Variants in HSF2BP observed in about 807,000 individuals in gnomAD.
HSF2BP encodes heat shock transcription factor 2 binding protein.
HSF2BP carries 35 observed loss-of-function variants against 35.0 expected under a neutral mutation model. The ratio of observed to expected loss-of-function variants is 1.00; its 90% confidence interval spans 0.76 to 1.32. The LOEUF is 1.32. Among genes scored for constraint, HSF2BP ranks in the 40% most tolerant of loss-of-function variants. The pLI, the probability that HSF2BP is intolerant of heterozygous loss-of-function variation, is 0.00. For synonymous variants in HSF2BP, 114 were observed against 117.4 expected (o/e 0.97, Z 0.18); for missense variants, 326 against 321.7 (o/e 1.01, Z -0.10).
intron 6 of HSF2BP, among the ~76,000 whole-genome samples, chr21:43,624,951 G>A (rs2082371893): frequency 6.6e-6 from 1 of 152,076 alleles, no homozygotes; most frequent in South Asian, 2.1e-4. Context: ...AAAGTAATAA[G>A]AGCAGATGTT....
At chr21:43,611,396 A>T (rs1329447827) in intron 7 of HSF2BP, among the ~76,000 whole-genome samples, 1 of 152,224 alleles carries the variant, frequency 6.6e-6, no homozygotes, top group Non-Finnish European at 1.5e-5. Flanking sequence ...GCTTCCACTG[A>T]ATGCAGCTAT....
chr21:43,647,970 G>C (rs1200107803), intron 3 of HSF2BP, among the ~76,000 whole-genome samples: 1 of 150,088 alleles, frequency 6.7e-6, no homozygotes, highest in Non-Finnish European at 1.5e-5. Flanking sequence ...CAATCTTGCT[G>C]AACTCAAATT....
At chr21:43,604,952 C>T in intron 7 of HSF2BP, among the ~76,000 whole-genome samples, 1 of 135,912 alleles carries the variant, frequency 7.4e-6, no homozygotes, top group Non-Finnish European at 1.6e-5. Flanking sequence ...ACACACCATA[C>T]ACCACACACA....
chr21:43,615,394 T>C (rs993196988), intron 6 of HSF2BP, among the ~76,000 whole-genome samples: 1 of 152,266 alleles, frequency 6.6e-6, no homozygotes, highest in African/African-American at 2.4e-5. Context: ...TATCACTTAT[T>C]TCTTCTGCCT....
intron 4 of HSF2BP, among the ~76,000 whole-genome samples, chr21:43,640,067 C>T (rs2082615431): frequency 6.6e-6 from 1 of 152,164 alleles, no homozygotes; most frequent in Admixed American, 6.5e-5. Context: ...TTTGGGAGGA[C>T]AAGGCCAAAG....
chr21:43,603,397 C>T (rs1353449424), intron 7 of HSF2BP, among the ~76,000 whole-genome samples: 1 of 152,212 alleles, frequency 6.6e-6, no homozygotes, highest in Admixed American at 6.5e-5. Context: ...GGGGGACACT[C>T]CTGACACATG....
chr21:43,594,668 C>T (rs906070204), intron 7 of HSF2BP, among the ~76,000 whole-genome samples: 10 of 137,944 alleles, frequency 7.2e-5, no homozygotes, highest in African/African-American at 1.4e-4. Flanking sequence ...AGAAAAGGAA[C>T]GAAAAGAGAA....
intron 6 of HSF2BP, among the ~76,000 whole-genome samples, chr21:43,628,774 CTT>C (rs1401862603): frequency 6.6e-6 from 1 of 152,232 alleles, no homozygotes; most frequent in African/African-American, 2.4e-5. Flanking sequence ...GGCTGACTCT[CTT>C]GTTAGGGGCC....
At chr21:43,579,313 C>T (rs901764128) in intron 8 of HSF2BP, among the ~76,000 whole-genome samples, 1 of 152,242 alleles carries the variant, frequency 6.6e-6, no homozygotes, top group African/African-American at 2.4e-5. Context: ...AGAATTCATG[C>T]AGAGTTATTA....
At position 43,658,278 on chromosome 21, in the gene HSF2BP, C is replaced by T. The variant is rs1293285824; in HGVS notation, c.-182G>A. The T allele has an allele frequency of 1.5e-6, 1 of 649,014 alleles. No individual in the cohort carries two copies. The highest frequency in any genetic ancestry group is 3.4e-5 in the Admixed American group (1 of 29,288). The allele number at this position is 649,014 out of a possible 1,614,324, so 40.2% of individuals were successfully genotyped here. ...GCGAGGAGTGGCCTTGGCGAGGTCCCTCTTTGGCTCTTCTGGCTTAGCCGG... is the reference window on the plus strand; with the variant it reads ...GCGAGGAGTGGCCTTGGCGAGGTCCTTCTTTGGCTCTTCTGGCTTAGCCGG... On this transcript the variant is annotated 5_prime_UTR_variant, in exon 2 of 9. Transcript: ENST00000291560.
intron 7 of HSF2BP, among the ~76,000 whole-genome samples, chr21:43,594,713 G>A (rs956127568): frequency 2.0e-5 from 3 of 151,790 alleles, no homozygotes; most frequent in African/African-American, 7.3e-5. Context: ...GACGGTGGGA[G>A]GAAGGGAAGG....
At chr21:43,588,637 A>G (rs1295966161) in intron 8 of HSF2BP, among the ~76,000 whole-genome samples, 2 of 152,144 alleles carry the variant, frequency 1.3e-5, no homozygotes, top group Non-Finnish European at 2.9e-5. Flanking sequence ...AATGTAACAA[A>G]CGTAACACAC....
rs750365241 is a variant in HSF2BP at position 43,630,388 on chromosome 21, C to A, written c.508G>T (p.Gly170Cys). 8 of 1,613,618 alleles carry A rather than the reference C, an allele frequency of 5.0e-6. No homozygotes were observed. The highest frequency in any genetic ancestry group is 6.8e-6 in the Non-Finnish European group (8 of 1,179,852). The change falls in exon 6 of 9, where the codon GGT becomes TGT. Residue 170 changes from glycine (G) to cysteine (C), a missense_variant. Gly to Cys is a radical substitution (Grantham distance 159, BLOSUM62 -3). Coordinates refer to ENST00000291560, the MANE Select transcript of HSF2BP (RefSeq NM_007031.2). ...TCCGAATCCAGCTCCTGGACATCAC[C>A]GTCTAACGACTTCACAAAACTCTCC... ...TMESFVKSLDGDVQELDSDES... is the reference protein window; with the variant it reads ...TMESFVKSLDCDVQELDSDES...
chr21:43,572,386 C>A (rs886774685), intron 8 of HSF2BP, among the ~76,000 whole-genome samples: 1 of 151,888 alleles, frequency 6.6e-6, no homozygotes, highest in Admixed American at 6.6e-5. Context: ...GCCCGGAGAA[C>A]ATGTAAGCTT....
chr21:43,656,888 T>C, intron 2 of HSF2BP, 151 bp from the exon 3 acceptor site: 1 of 632,526 alleles, frequency 1.6e-6, no homozygotes, highest in Non-Finnish European at 2.7e-6. Flanking sequence ...TAGATATATT[T>C]TATGTACATA....
At chr21:43,657,783 C>T (rs1457579787) in intron 2 of HSF2BP, 10 of 934,232 alleles carry the variant, frequency 1.1e-5, no homozygotes, top group Non-Finnish European at 1.3e-5. Flanking sequence ...GAGTGACCAT[C>T]CATCCCACGC....
intron 6 of HSF2BP, among the ~76,000 whole-genome samples, chr21:43,625,427 G>C (rs2082377802): frequency 1.3e-5 from 2 of 152,158 alleles, no homozygotes; most frequent in African/African-American, 4.8e-5. Flanking sequence ...CTGGTGATGA[G>C]TGGAGAACTG....
At chr21:43,598,732 T>C (rs2082016740) in intron 7 of HSF2BP, among the ~76,000 whole-genome samples, 1 of 152,156 alleles carries the variant, frequency 6.6e-6, no homozygotes, top group African/African-American at 2.4e-5. Flanking sequence ...ACCTATTTAA[T>C]GAGGTATTAA....
intron 7 of HSF2BP, among the ~76,000 whole-genome samples, chr21:43,593,097 C>G (rs2081946350): frequency 6.6e-6 from 1 of 152,154 alleles, no homozygotes; most frequent in Admixed American, 6.5e-5. Flanking sequence ...AGTAAGAGCA[C>G]AAAATCTTAG....
Sources: gnomAD v4.1 joint callset for allele counts (sites outside exome capture counted in the v4.1 genomes callset) on GRCh38, gnomAD v4.1.1 for gene constraint, MANE v1.5 for transcripts, NCBI Gene and HGNC (gene_info 2026-07-23, HGNC 2026-07-21) for gene names.